Variants in SORCS3 observed in about 807,000 individuals in gnomAD.
The protein encoded by SORCS3 is VPS10 domain-containing receptor SorCS3.
Under a neutral mutation model 146.3 loss-of-function variants are expected in SORCS3, and 57 were observed. That is an observed-to-expected ratio of 0.39 (90% CI 0.31 to 0.49). The LOEUF is 0.49. SORCS3 is among the 20% of genes least tolerant of loss of function. The pLI, the probability that SORCS3 is intolerant of heterozygous loss-of-function variation, is 0.92. For synonymous variants in SORCS3, 653 were observed against 618.5 expected (o/e 1.06, Z -0.83); for missense variants, 1,341 against 1,575.5 (o/e 0.85, Z 2.52).
chr10:105,065,258 C>T (rs1454935149), intron 5 of SORCS3, among the ~76,000 whole-genome samples: 1 of 152,164 alleles, frequency 6.6e-6, no homozygotes, highest in Non-Finnish European at 1.5e-5. Context: ...CAGAATCATA[C>T]CTACTCAGTG....
chr10:104,951,353 G>T (rs1182216705), intron 3 of SORCS3, among the ~76,000 whole-genome samples: 2 of 151,832 alleles, frequency 1.3e-5, no homozygotes, highest in Non-Finnish European at 2.9e-5. Context: ...TTTTCTTAGG[G>T]TCAGTGTCTT....
intron 19 of SORCS3, among the ~76,000 whole-genome samples, chr10:105,219,978 T>G (rs961826349): frequency 2.0e-5 from 3 of 152,224 alleles, no homozygotes; most frequent in African/African-American, 7.2e-5. Flanking sequence ...ATTTTCCAGA[T>G]AGTTTTTATT....
intron 9 of SORCS3, among the ~76,000 whole-genome samples, chr10:105,152,561 TA>T (rs146263013): frequency 0.014 from 2,111 of 152,254 alleles, 48 homozygotes; most frequent in African/African-American, 0.047. Flanking sequence ...AAATTTACAG[TA>T]AAAAAAGAAG....
At chr10:105,244,966 G>A (rs1311365169) in intron 20 of SORCS3, among the ~76,000 whole-genome samples, 2 of 151,718 alleles carry the variant, frequency 1.3e-5, no homozygotes, top group Non-Finnish European at 2.9e-5. Context: ...CTACTAGGGA[G>A]GTTGAGGCAG....
At chr10:105,209,326 A>G (rs2056621183) in intron 16 of SORCS3, among the ~76,000 whole-genome samples, 1 of 151,956 alleles carries the variant, frequency 6.6e-6, no homozygotes, top group African/African-American at 2.4e-5. Context: ...TATTTTTAGT[A>G]GAGACGGGGT....
At chr10:104,803,750 A>G (rs1246346930) in intron 1 of SORCS3, among the ~76,000 whole-genome samples, 1 of 152,160 alleles carries the variant, frequency 6.6e-6, no homozygotes, top group African/African-American at 2.4e-5. Context: ...CTCTCACTGC[A>G]GGTGAGTGAC....
rs566276313 is a variant in SORCS3, at chr10:104,896,460, C to A, written c.696-19373C>A. 7.9e-5 allele frequency among the ~76,000 whole-genome samples: 12 copies of A among 152,292 alleles called. No individual in the cohort carries two copies. In the South Asian group the frequency reaches 2.5e-3, roughly 32 times the overall value. On this transcript the variant is annotated intron_variant, in intron 2 of 26. Transcript: ENST00000369701. ...CTGGAATGGTTGAGGCCAGGGGCAA[C>A]TCAAAGAAGGCATAATTTAAAGTGT...
chr10:104,768,476 G>T (rs1288223425), intron 1 of SORCS3, among the ~76,000 whole-genome samples: 1 of 152,140 alleles, frequency 6.6e-6, no homozygotes, highest in Non-Finnish European at 1.5e-5. Context: ...AGAAGTTGTG[G>T]TTGAGACGGG....
chr10:105,107,841 A>G (rs1361472542), intron 7 of SORCS3, among the ~76,000 whole-genome samples: 1 of 152,218 alleles, frequency 6.6e-6, no homozygotes, highest in African/African-American at 2.4e-5. Flanking sequence ...TTTAGAGTCC[A>G]AAACCTGGCA....
chr10:104,994,623 C>T (rs533641371), intron 4 of SORCS3, among the ~76,000 whole-genome samples: 131 of 152,322 alleles, frequency 8.6e-4, no homozygotes, highest in Non-Finnish European at 1.6e-3. Flanking sequence ...CATCCCCTCA[C>T]CATATTCACA....
chr10:105,028,568 C>T (rs1432727159), intron 4 of SORCS3, among the ~76,000 whole-genome samples: 1 of 152,122 alleles, frequency 6.6e-6, no homozygotes, highest in East Asian at 1.9e-4. Context: ...AGCACATGGG[C>T]CATGAAATCA....
intron 7 of SORCS3, among the ~76,000 whole-genome samples, chr10:105,138,774 G>C (rs190276754): frequency 1.5e-3 from 234 of 152,270 alleles, no homozygotes; most frequent in Non-Finnish European, 2.8e-3. Flanking sequence ...ACAGAGTTCA[G>C]ACTCAAACCC....
intron 5 of SORCS3, among the ~76,000 whole-genome samples, chr10:105,074,540 T>G (rs1005439275): frequency 5.3e-5 from 8 of 152,200 alleles, no homozygotes; most frequent in African/African-American, 1.9e-4. Context: ...AGCATTATGT[T>G]GTCGCAGGAA....
chr10:104,737,555 C>T (rs1564671922), intron 1 of SORCS3, among the ~76,000 whole-genome samples: 1 of 151,792 alleles, frequency 6.6e-6, no homozygotes, highest in African/African-American at 2.4e-5. Flanking sequence ...TTTCATGTGT[C>T]TTTTGGCTGC....
intron 3 of SORCS3, among the ~76,000 whole-genome samples, chr10:104,939,317 C>T (rs1361807958): frequency 6.6e-6 from 1 of 152,142 alleles, no homozygotes; most frequent in African/African-American, 2.4e-5. Flanking sequence ...GTCGTAAATG[C>T]CCCAAGGCCA....
intron 5 of SORCS3, among the ~76,000 whole-genome samples, chr10:105,050,960 G>A (rs1325177176): frequency 6.6e-6 from 1 of 152,024 alleles, no homozygotes; most frequent in Admixed American, 6.6e-5. Flanking sequence ...TTATCACCAT[G>A]TTCTGGTATT....
intron 1 of SORCS3, among the ~76,000 whole-genome samples, chr10:104,651,536 A>T (rs2133239281): frequency 2.1e-5 from 3 of 143,088 alleles, no homozygotes; most frequent in Admixed American, 6.9e-5. Context: ...GCTCTACTAA[A>T]AAAAAAAAAA....
chr10:104,832,732 A>C (rs2018015065), intron 1 of SORCS3, among the ~76,000 whole-genome samples: 1 of 150,902 alleles, frequency 6.6e-6, no homozygotes. Flanking sequence ...TAAATAAATA[A>C]ATAAATAAAT....
chr10:104,910,355 T>C (rs1342358764), intron 2 of SORCS3, among the ~76,000 whole-genome samples: 1 of 152,166 alleles, frequency 6.6e-6, no homozygotes, highest in African/African-American at 2.4e-5. Context: ...CAGAAAAACT[T>C]TTCTTCACAA....
Sources: gnomAD v4.1 joint callset for allele counts (sites outside exome capture counted in the v4.1 genomes callset) on GRCh38, gnomAD v4.1.1 for gene constraint, MANE v1.5 for transcripts, NCBI Gene and HGNC (gene_info 2026-07-23, HGNC 2026-07-21) for gene names.